ABCC1: variants seen among roughly 807,000 people sequenced by gnomAD.
ABCC1 encodes the protein multidrug resistance-associated protein 1.
Under a neutral mutation model 172.9 loss-of-function variants are expected in ABCC1, and 83 were observed. That is an observed-to-expected ratio of 0.48 (90% confidence interval 0.40 to 0.58). ABCC1 has a LOEUF of 0.58. ABCC1 is among the 20% of genes least tolerant of loss of function. The pLI is 0.00. For synonymous variants in ABCC1, 937 were observed against 825.2 expected (o/e 1.14, Z -2.32); for missense variants, 1,817 against 2,002.7 (o/e 0.91, Z 1.77).
At chr16:16,067,871 T>C (rs1172694504) in intron 12 of ABCC1, among the ~76,000 whole-genome samples, 1 of 152,142 alleles carries the variant, frequency 6.6e-6, no homozygotes, top group Non-Finnish European at 1.5e-5. Context: ...TTGGTGCTTT[T>C]GAGGAATACT....
chr16:16,064,956 G>A (rs918111173), intron 12 of ABCC1, among the ~76,000 whole-genome samples: 9 of 152,200 alleles, frequency 5.9e-5, no homozygotes, highest in African/African-American at 1.7e-4. Context: ...GAATAAGGGC[G>A]GCTTGCAGTT....
intron 23 of ABCC1, among the ~76,000 whole-genome samples, chr16:16,115,518 G>A (rs1294556984): frequency 6.6e-6 from 1 of 151,892 alleles, no homozygotes; most frequent in African/African-American, 2.4e-5. Context: ...GCTAATTTTT[G>A]TATTTTTAGT....
intron 1 of ABCC1, among the ~76,000 whole-genome samples, chr16:15,979,049 TCGGG>T (rs1323363660): frequency 1.3e-5 from 2 of 152,060 alleles, no homozygotes; most frequent in African/African-American, 4.8e-5. Flanking sequence ...TCCCAGCACT[TCGGG>T]GGGCCCAGGT....
intron 15 of ABCC1, 65 bp from the exon 16 acceptor site, chr16:16,079,287 C>T (rs2151981664): frequency 6.3e-7 from 1 of 1,590,216 alleles, no homozygotes; most frequent in South Asian, 1.1e-5. Context: ...GGCTCGGTGG[C>T]CATGGGCATT....
intron 15 of ABCC1, among the ~76,000 whole-genome samples, chr16:16,078,419 T>G (rs959230507): frequency 6.6e-6 from 1 of 152,194 alleles, no homozygotes; most frequent in African/African-American, 2.4e-5. Context: ...AATAGAGACA[T>G]CTTCCTGAAA....
At chr16:16,123,582 G>T (rs769359423) in intron 24 of ABCC1, among the ~76,000 whole-genome samples, 6 of 151,712 alleles carry the variant, frequency 4.0e-5, no homozygotes, top group Non-Finnish European at 7.4e-5. Context: ...AGCCAAGACC[G>T]CACCATTGCA....
chr16:16,128,219 C>G (rs191891578), intron 26 of ABCC1, among the ~76,000 whole-genome samples: 3 of 152,124 alleles, frequency 2.0e-5, no homozygotes, highest in East Asian at 1.9e-4. Context: ...AAGTCTCGCT[C>G]CAGCCTGGAG....
intron 23 of ABCC1, among the ~76,000 whole-genome samples, chr16:16,117,620 T>C (rs1022191415): frequency 1.3e-5 from 2 of 152,134 alleles, no homozygotes; most frequent in Non-Finnish European, 2.9e-5. Flanking sequence ...AAACTTTCAG[T>C]TGGGCCTAGG....
Position 16,061,772 on chromosome 16 carries a change from CTTT to C in ABCC1, c.1677+5494_1677+5496del, listed in dbSNP as rs201926082. Among the ~76,000 whole-genome samples the C allele has an allele frequency of 6.6e-3, 764 of 116,224 alleles. 2 individuals carry two copies. The highest frequency in any genetic ancestry group is 0.027 in the African/African-American group (729 of 26,770). The allele number at this position is 116,224 out of a possible 152,430, so 76.2% of individuals were successfully genotyped here. On this transcript the variant is annotated intron_variant, in intron 12 of 30. Coordinates refer to ENST00000399410, the MANE Select transcript of ABCC1 (RefSeq NM_004996.4). ...AAAATGGCTTTTTTTTTCTTTTTTTCTTTTTTTTTTTTTTTTTTTGAGATGGGG... is the reference window on the plus strand; with the variant it reads ...AAAATGGCTTTTTTTTTCTTTTTTTCTTTTTTTTTTTTTTTTGAGATGGGG...
chr16:16,062,813 G>A (rs2049971801), intron 12 of ABCC1, among the ~76,000 whole-genome samples: 1 of 152,202 alleles, frequency 6.6e-6, no homozygotes, highest in Non-Finnish European at 1.5e-5. Context: ...GAAGGCCAGG[G>A]ATGCCATCCA....
chr16:16,068,141 G>A lies in ABCC1; in HGVS notation c.1678-15G>A. On this transcript the variant is annotated splice_polypyrimidine_tract_variant and intron_variant, in intron 12 of 30. Transcript: ENST00000399410. ...CTCGGGGCACAGCAGTCAGCACTGG[G>A]CGTTCTGCTTGCAGGTGGCCTTGTG... 6.2e-7 allele frequency: 1 copy of A among 1,613,890 alleles called. No homozygotes were observed. Among genetic ancestry groups the A allele is most frequent in the Admixed American group, 1.7e-5 (1 of 60,014 alleles).
rs556998106 is a variant in ABCC1, at chr16:16,078,894, G to A, written c.1989-458G>A. 1.8e-3 allele frequency among the ~76,000 whole-genome samples: 267 copies of A among 152,272 alleles called. 1 individual carries two copies. The highest frequency in any genetic ancestry group is 0.014 in the Middle Eastern group (4 of 294). ...GGGTTTCACCATGTTGGCCAGACTG[G>A]TCTCGAGCTCCTGACCTCGTGATCC... On this transcript the variant is annotated intron_variant, in intron 15 of 30. Transcript: ENST00000399410.
intron 19 of ABCC1, among the ~76,000 whole-genome samples, chr16:16,101,361 G>A (rs553006928): frequency 1.1e-4 from 16 of 152,168 alleles, no homozygotes; most frequent in African/African-American, 3.1e-4. Flanking sequence ...AAAGCCCCCC[G>A]TGACTCATTT....
intron 12 of ABCC1, 137 bp downstream of exon 12, chr16:16,056,432 C>A: frequency 1.0e-6 from 1 of 978,822 alleles, no homozygotes; most frequent in Non-Finnish European, 1.5e-6. Context: ...TCTGGGAGGC[C>A]AAAGCAGGTG....
intron 19 of ABCC1, 86 bp from the exon 20 acceptor site, chr16:16,102,541 C>A: frequency 1.6e-6 from 2 of 1,263,038 alleles, no homozygotes; most frequent in Admixed American, 2.0e-5. Context: ...GTGGTCTCCT[C>A]ACTGAAGTGG....
At chr16:15,978,172 C>G (rs1275204500) in intron 1 of ABCC1, among the ~76,000 whole-genome samples, 3 of 152,026 alleles carry the variant, frequency 2.0e-5, no homozygotes, top group Non-Finnish European at 2.9e-5. Context: ...GAGCTTGAGA[C>G]CAGCCTGGGG....
intron 7 of ABCC1, among the ~76,000 whole-genome samples, chr16:16,043,241 T>C (rs1179369462): frequency 1.4e-5 from 2 of 144,450 alleles, no homozygotes; most frequent in Admixed American, 1.4e-4. Context: ...TTTTTTTTTT[T>C]TTCCACTGAT....
intron 1 of ABCC1, among the ~76,000 whole-genome samples, chr16:15,965,811 G>C (rs2046229785): frequency 6.6e-6 from 1 of 150,862 alleles, no homozygotes; most frequent in Non-Finnish European, 1.5e-5. Context: ...TGGCCAGGCT[G>C]GTCTCGAACT....
intron 23 of ABCC1, among the ~76,000 whole-genome samples, chr16:16,119,045 A>G (rs2152107653): frequency 6.6e-6 from 1 of 152,356 alleles, no homozygotes; most frequent in Middle Eastern, 3.4e-3. Flanking sequence ...AGTAGTAAAA[A>G]GGAATGAAAT....
Sources: gnomAD v4.1 joint callset for allele counts (sites outside exome capture counted in the v4.1 genomes callset) on GRCh38, gnomAD v4.1.1 for gene constraint, MANE v1.5 for transcripts, NCBI Gene and HGNC (gene_info 2026-07-23, HGNC 2026-07-21) for gene names.